Variants in NEDD8 observed in about 807,000 individuals in gnomAD.
The protein encoded by NEDD8 is NEDD8 ubiquitin like modifier, also known as ubiquitin-like protein NEDD8.
NEDD8 carries 1 observed loss-of-function variant against 13.8 expected under a neutral mutation model. The observed-to-expected ratio is 0.07, with a 90% CI of 0.03 to 0.34. The LOEUF (loss-of-function observed/expected upper bound fraction) is 0.34. Ranked by LOEUF, NEDD8 falls within the 10% of genes least tolerant of loss-of-function variation. NEDD8 has a pLI of 0.99. For synonymous variants in NEDD8, 31 were observed against 33.2 expected (o/e 0.93, Z 0.23); for missense variants, 10 against 95.2 (o/e 0.10, Z 3.73).
intron 1 of NEDD8, among the ~76,000 whole-genome samples, chr14:24,229,689 T>A (rs571791478): frequency 3.6e-4 from 55 of 152,202 alleles, no homozygotes; most frequent in South Asian, 2.1e-3. Context: ...TGGAGTGAAA[T>A]TTTCAAAAAG....
rs544283366 is a variant in NEDD8 at position 24,232,296 on chromosome 14, A to C, written c.-29T>G. The C allele has an allele frequency of 3.1e-5, 50 of 1,608,586 alleles. 1 individual carries two copies. The Middle Eastern group carries it at 8.3e-4, about 27-fold the overall frequency. ...CTTTCCAGTTTGGGGCTGCACACGG[A>C]TAAATTGCTGCTCCTACCGCTCCGG... is the stretch of plus-strand genomic sequence containing the variant. On this transcript the variant is annotated 5_prime_UTR_variant, in exon 1 of 4. Coordinates refer to ENST00000250495, the MANE Select transcript of NEDD8 (RefSeq NM_006156.3).
At chr14:24,222,808 G>A (rs963433543) in intron 1 of NEDD8, among the ~76,000 whole-genome samples, 2 of 152,082 alleles carry the variant, frequency 1.3e-5, no homozygotes, top group Non-Finnish European at 2.9e-5. Flanking sequence ...TAGAGATGGG[G>A]CTGGGTGCGG....
intron 1 of NEDD8, among the ~76,000 whole-genome samples, chr14:24,222,550 T>C (rs570355813): frequency 1.1e-4 from 17 of 152,160 alleles, no homozygotes; most frequent in Non-Finnish European, 2.1e-4. Context: ...TAAAAAACAA[T>C]GTCCTTGATA....
chr14:24,231,036 T>C (rs1252026236), intron 1 of NEDD8, among the ~76,000 whole-genome samples: 1 of 152,180 alleles, frequency 6.6e-6, no homozygotes, highest in East Asian at 1.9e-4. Flanking sequence ...CCTACAGGCA[T>C]GCGCCCAGAC....
chr14:24,232,332 C>A lies in NEDD8; in HGVS notation c.-65G>T. The A allele has an allele frequency of 1.2e-6, 2 of 1,609,184 alleles. No homozygotes were observed. Among genetic ancestry groups the A allele is most frequent in the Non-Finnish European group, 1.7e-6 (2 of 1,178,166 alleles). Reference sequence around the variant, plus strand: ...CTCCTACCGCTCCGGTCGCCGCTGCCGCCCTCCAGCACTCTTGCCTGCAAG... The same window carrying A: ...CTCCTACCGCTCCGGTCGCCGCTGCAGCCCTCCAGCACTCTTGCCTGCAAG... On this transcript the variant is annotated 5_prime_UTR_variant, in exon 1 of 4. Coordinates refer to ENST00000250495, the MANE Select transcript of NEDD8 (RefSeq NM_006156.3).
intron 1 of NEDD8, 46 bp from the exon 2 acceptor site, chr14:24,218,477 A>AT (rs1403981305): frequency 6.2e-7 from 1 of 1,614,120 alleles, no homozygotes; most frequent in South Asian, 1.1e-5. Context: ...CCAATGTACA[A>AT]TTTGTCTTCT....
intron 1 of NEDD8, among the ~76,000 whole-genome samples, chr14:24,228,930 A>G (rs1320474385): frequency 1.3e-5 from 2 of 152,096 alleles, no homozygotes; most frequent in Non-Finnish European, 2.9e-5. Context: ...GAGATGGGGC[A>G]CAGAGGCCTG....
intron 3 of NEDD8, among the ~76,000 whole-genome samples, chr14:24,217,559 G>A (rs1392989454): frequency 6.6e-6 from 1 of 152,136 alleles, no homozygotes; most frequent in East Asian, 1.9e-4. Flanking sequence ...CAAAGTGCTG[G>A]GATTACAGGC....
intron 1 of NEDD8, among the ~76,000 whole-genome samples, chr14:24,221,718 C>T (rs577858912): frequency 6.6e-6 from 1 of 152,270 alleles, no homozygotes; most frequent in South Asian, 2.1e-4. Flanking sequence ...CTATCTCAGC[C>T]TCCCAAGTAG....
intron 1 of NEDD8, among the ~76,000 whole-genome samples, chr14:24,222,163 G>A (rs1388727134): frequency 1.3e-5 from 2 of 152,048 alleles, no homozygotes; most frequent in African/African-American, 4.8e-5. Context: ...AATGGTTATT[G>A]CAACCTTTTG....
At chr14:24,218,744 G>T (rs760432335) in intron 1 of NEDD8, 4 of 408,438 alleles carry the variant, frequency 9.8e-6, no homozygotes, top group East Asian at 4.8e-5. Flanking sequence ...GGCAATGAAA[G>T]GATTTATTTA....
chr14:24,221,867 A>T (rs1045878780), intron 1 of NEDD8, among the ~76,000 whole-genome samples: 9 of 152,190 alleles, frequency 5.9e-5, no homozygotes, highest in Admixed American at 4.6e-4. Flanking sequence ...AAGTGCTGGG[A>T]TTATAGATGT....
intron 1 of NEDD8, among the ~76,000 whole-genome samples, chr14:24,231,329 A>C (rs371403671): frequency 2.6e-5 from 4 of 152,226 alleles, no homozygotes; most frequent in South Asian, 2.1e-4. Context: ...ATCTTAGCTA[A>C]GAAGTAGTTT....
intron 1 of NEDD8, among the ~76,000 whole-genome samples, chr14:24,220,749 G>A (rs1247082704): frequency 6.6e-6 from 1 of 152,154 alleles, no homozygotes; most frequent in Non-Finnish European, 1.5e-5. Flanking sequence ...ATAAGCCTTA[G>A]GTTAAAAACA....
chr14:24,220,766 C>T (rs763166796), intron 1 of NEDD8, among the ~76,000 whole-genome samples: 12 of 152,180 alleles, frequency 7.9e-5, no homozygotes, highest in Non-Finnish European at 1.2e-4. Context: ...AACACATCTA[C>T]GCAATCAAAA....
At chr14:24,223,189 G>A (rs2039835899) in intron 1 of NEDD8, among the ~76,000 whole-genome samples, 1 of 151,844 alleles carries the variant, frequency 6.6e-6, no homozygotes, top group Non-Finnish European at 1.5e-5. Flanking sequence ...ACTGCTTGAG[G>A]CTTGGAGTTT....
At chr14:24,221,848 G>A (rs766510767) in intron 1 of NEDD8, among the ~76,000 whole-genome samples, 3 of 151,484 alleles carry the variant, frequency 2.0e-5, no homozygotes, top group Non-Finnish European at 4.4e-5. Context: ...TGCCTGCCTC[G>A]GCCTCCCAAA....
chr14:24,221,287 CTTTT>C (rs35302229), intron 1 of NEDD8, among the ~76,000 whole-genome samples: 4 of 140,312 alleles, frequency 2.9e-5, no homozygotes, highest in African/African-American at 2.7e-5. Flanking sequence ...ATTTCACTTT[CTTTT>C]TTTTTTTTTT....
chr14:24,217,274 TTTGTTGTTGTTG>T (rs149980708), intron 3 of NEDD8, 51 bp from the exon 4 acceptor site: 214 of 1,206,202 alleles, frequency 1.8e-4, no homozygotes, highest in Admixed American at 1.4e-3. Context: ...TTAGGAGTTT[TTTGTTGTTGTTG>T]TTGTTGTTGT....
Sources: allele counts gnomAD v4.1 joint callset (sites outside exome capture counted in the v4.1 genomes callset), GRCh38; gene constraint gnomAD v4.1.1; transcripts MANE v1.5; gene names NCBI Gene and HGNC (gene_info 2026-07-23, HGNC 2026-07-21).